The following CCDC158 variants were observed in gnomAD, a reference collection of about 807,000 sequenced individuals.
CCDC158 encodes coiled-coil domain containing 158.
Under a neutral mutation model 138.6 loss-of-function variants are expected in CCDC158, and 116 were observed. That is an observed-to-expected ratio of 0.84 (90% CI 0.72 to 0.98). The LOEUF is 0.98. Among genes scored for constraint, CCDC158 ranks in the 50% least tolerant of loss-of-function variants. The pLI, the probability that CCDC158 is intolerant of heterozygous loss-of-function variation, is 0.00. For missense variants in CCDC158, 1,265 were observed against 1,306.1 expected (o/e 0.97, Z 0.48); for synonymous variants, 436 against 442.4 (o/e 0.99, Z 0.18).
chr4:76,400,340 T>C (rs1415593001), intron 3 of CCDC158, among the ~76,000 whole-genome samples: 12 of 134,392 alleles, frequency 8.9e-5, no homozygotes, highest in African/African-American at 1.4e-4. Context: ...TACTCGTAGA[T>C]GGGAATTGAA....
chr4:76,335,622 T>C (rs1390309999), intron 18 of CCDC158, among the ~76,000 whole-genome samples: 4 of 152,118 alleles, frequency 2.6e-5, no homozygotes, highest in Non-Finnish European at 5.9e-5. Flanking sequence ...CTCTGTCACC[T>C]AGGCTGGAAT....
At chr4:76,336,660 G>A (rs1416350726) in intron 18 of CCDC158, among the ~76,000 whole-genome samples, 1 of 152,008 alleles carries the variant, frequency 6.6e-6, no homozygotes, top group Non-Finnish European at 1.5e-5. Flanking sequence ...TAACACCTGG[G>A]GTCATAAGAA....
intron 1 of CCDC158, among the ~76,000 whole-genome samples, chr4:76,419,351 G>GC (rs11374118): frequency 1 from 152,086 of 152,354 alleles, 75,910 homozygotes; most frequent in Non-Finnish European, 1. Context: ...AGTACAGCAT[G>GC]TATGTGATTT....
intron 20 of CCDC158, 66 bp from the exon 21 acceptor site, chr4:76,331,469 A>C (rs1721006226): frequency 7.4e-7 from 1 of 1,355,478 alleles, no homozygotes. Flanking sequence ...ATATAACAAA[A>C]GTTTGTGAGA....
At chr4:76,362,610 C>G (rs1253308476) in intron 12 of CCDC158, among the ~76,000 whole-genome samples, 1 of 152,178 alleles carries the variant, frequency 6.6e-6, no homozygotes, top group Non-Finnish European at 1.5e-5. Context: ...TATTCCTATT[C>G]TATCTCCATT....
chr4:76,334,226 T>C, intron 18 of CCDC158, 59 bp from the exon 19 acceptor site: 1 of 1,401,586 alleles, frequency 7.1e-7, no homozygotes, highest in Non-Finnish European at 9.5e-7. Flanking sequence ...CTATTTCCTA[T>C]CACAAAATTA....
At chr4:76,319,358 G>A (rs1719724207) in intron 24 of CCDC158, among the ~76,000 whole-genome samples, 4 of 140,650 alleles carry the variant, frequency 2.8e-5, no homozygotes, top group East Asian at 2.2e-4. Flanking sequence ...ACTTGAACCC[G>A]ACAGGTGGAG....
chr4:76,351,476 T>A (rs1463482015), intron 17 of CCDC158, among the ~76,000 whole-genome samples: 1 of 151,170 alleles, frequency 6.6e-6, no homozygotes, highest in Non-Finnish European at 1.5e-5. Flanking sequence ...CACTCACCTA[T>A]TTTAAACTCA....
intron 14 of CCDC158, among the ~76,000 whole-genome samples, chr4:76,356,202 A>T (rs1560417011): frequency 6.6e-6 from 1 of 152,178 alleles, no homozygotes; most frequent in Non-Finnish European, 1.5e-5. Context: ...ACTTCTCATT[A>T]ACAAGATACA....
rs1316652903 is a variant in CCDC158 at position 76,410,972 on chromosome 4, T to C, written c.-74+1118A>G. Among the ~76,000 whole-genome samples, 3 of 152,332 alleles carry C rather than the reference T, an allele frequency of 2.0e-5. No homozygotes were observed. The East Asian group carries it at 5.8e-4, about 29-fold the overall frequency. ...ATACAGCTTAAAAGGTAAAAGAGTG[T>C]ATACCTCAAAAGAATAAGAGTTAAC... On this transcript the variant is annotated intron_variant, in intron 2 of 24. Coordinates refer to ENST00000682701, the MANE Select transcript of CCDC158 (RefSeq NM_001394954.1).
intron 3 of CCDC158, among the ~76,000 whole-genome samples, chr4:76,402,609 C>CA (rs1262888550): frequency 7.7e-6 from 1 of 129,228 alleles, no homozygotes; most frequent in African/African-American, 2.6e-5. Flanking sequence ...TATTAAATTC[C>CA]AACTATTTAT....
chr4:76,389,188 T>G (rs1727090446), intron 4 of CCDC158, among the ~76,000 whole-genome samples: 1 of 152,080 alleles, frequency 6.6e-6, no homozygotes, highest in Non-Finnish European at 1.5e-5. Flanking sequence ...ATATCTGTTT[T>G]GAGGAAATTC....
chr4:76,406,589 C>T (rs1221116671), intron 2 of CCDC158, among the ~76,000 whole-genome samples: 2 of 152,076 alleles, frequency 1.3e-5, no homozygotes, highest in African/African-American at 2.4e-5. Flanking sequence ...CAGTAGGTTC[C>T]ATAAAGTAGG....
At chr4:76,328,770 G>A (rs1292883120) in intron 22 of CCDC158, 130 bp downstream of exon 22, 1 of 697,226 alleles carries the variant, frequency 1.4e-6, no homozygotes, top group Non-Finnish European at 2.6e-6. Context: ...GCATGAAAGA[G>A]GGAGTAGCAG....
chr4:76,394,226 C>T (rs538656613), intron 4 of CCDC158, among the ~76,000 whole-genome samples: 1 of 152,120 alleles, frequency 6.6e-6, no homozygotes, highest in African/African-American at 2.4e-5. Flanking sequence ...TTGGAAGCAA[C>T]CTAAGTGTCT....
At chr4:76,347,435 T>C (rs535736856) in intron 18 of CCDC158, among the ~76,000 whole-genome samples, 1 of 152,184 alleles carries the variant, frequency 6.6e-6, no homozygotes, top group African/African-American at 2.4e-5. Flanking sequence ...GAAACCATCA[T>C]TCTCAGCAAA....
At position 76,331,330 on chromosome 4, in the gene CCDC158, C is replaced by G. The variant is rs570121273; in HGVS notation, c.2942+14G>C. ...AAAAGGGACATTTTGAAAATGGGGG[C>G]TGGTATTTCCTACCTACTAAGAGTT... On this transcript the variant is annotated intron_variant, in intron 21 of 24. Transcript: ENST00000682701. 1,853 of 1,610,282 alleles carry G rather than the reference C, an allele frequency of 1.2e-3. 39 individuals carry two copies. The South Asian group carries it at 0.019, about 17-fold the overall frequency.
intron 24 of CCDC158, among the ~76,000 whole-genome samples, chr4:76,315,456 A>G (rs1424561653): frequency 2.0e-5 from 3 of 152,188 alleles, no homozygotes; most frequent in Non-Finnish European, 2.9e-5. Context: ...CTACTATCAT[A>G]GCTTGTGCCG....
intron 18 of CCDC158, among the ~76,000 whole-genome samples, chr4:76,338,893 G>A (rs1560801815): frequency 1.3e-5 from 2 of 152,256 alleles, no homozygotes; most frequent in East Asian, 3.9e-4. Flanking sequence ...TTGAAAAGGG[G>A]GAAAGACCCA....
Sources: gnomAD v4.1 joint callset for allele counts (sites outside exome capture counted in the v4.1 genomes callset) on GRCh38, gnomAD v4.1.1 for gene constraint, MANE v1.5 for transcripts, NCBI Gene and HGNC (gene_info 2026-07-23, HGNC 2026-07-21) for gene names.